EMCN: variants seen among roughly 807,000 people sequenced by gnomAD.
EMCN encodes the protein endomucin, also known as MUC-14.
A neutral mutation model predicts 38.4 loss-of-function variants in EMCN; 37 were observed. That is an observed-to-expected ratio of 0.96 (90% confidence interval 0.74 to 1.27). The LOEUF (loss-of-function observed/expected upper bound fraction) is 1.27. Among genes scored for constraint, EMCN ranks in the 50% most tolerant of loss-of-function variants. The pLI is 0.00. For missense variants in EMCN, 318 were observed against 302.8 expected, an observed-to-expected ratio of 1.05 and a Z score of -0.37; for synonymous variants, 95 against 100.8, an observed-to-expected ratio of 0.94 and a Z score of 0.35.
At chr4:100,453,766 C>A (rs1360389336) in intron 4 of EMCN, among the ~76,000 whole-genome samples, 1 of 151,998 alleles carries the variant, frequency 6.6e-6, no homozygotes, top group African/African-American at 2.4e-5. Flanking sequence ...AGACTTGGAA[C>A]CAACCTAAAT....
chr4:100,415,698 A>C (rs1343238988), intron 10 of EMCN, among the ~76,000 whole-genome samples, 200 bp downstream of exon 10: 1 of 152,190 alleles, frequency 6.6e-6, no homozygotes, highest in Non-Finnish European at 1.5e-5. Context: ...CAACCTCTAA[A>C]GGCCACATAG....
intron 5 of EMCN, among the ~76,000 whole-genome samples, chr4:100,438,549 TC>T (rs1323408881): frequency 6.6e-6 from 1 of 151,978 alleles, no homozygotes; most frequent in Non-Finnish European, 1.5e-5. Context: ...GATTTTTTTT[TC>T]TTTTTGATTT....
chr4:100,450,757 A>C (rs1226618313), intron 4 of EMCN, among the ~76,000 whole-genome samples: 1 of 151,946 alleles, frequency 6.6e-6, no homozygotes, highest in African/African-American at 2.4e-5. Context: ...GAAATGTTAT[A>C]ACTAAGTCTC....
chr4:100,496,490 T>C (rs902745338), intron 1 of EMCN, among the ~76,000 whole-genome samples: 4 of 152,214 alleles, frequency 2.6e-5, no homozygotes, highest in African/African-American at 9.6e-5. Flanking sequence ...TTTATTATTT[T>C]CTTACTCTTT....
chr4:100,515,619 T>G lies in EMCN; in HGVS notation c.64+2232A>C, dbSNP rs1321627562. On this transcript the variant is annotated intron_variant, in intron 1 of 11. Coordinates refer to ENST00000296420, the MANE Select transcript of EMCN (RefSeq NM_016242.4). ...GAATAAATTACTACGCAAAAGAGCA[T>G]GGATCTGCTTGACAGCTTGTGAATT... 2.0e-5 allele frequency among the ~76,000 whole-genome samples: 3 copies of G among 152,074 alleles called. No homozygotes were observed. In the East Asian group the frequency reaches 5.8e-4, roughly 29 times the overall value.
intron 11 of EMCN, among the ~76,000 whole-genome samples, chr4:100,407,744 A>G (rs926090484): frequency 3.3e-5 from 5 of 152,106 alleles, no homozygotes; most frequent in African/African-American, 1.2e-4. Flanking sequence ...GGGTTCTCTG[A>G]ATTTCCTGAA....
chr4:100,491,947 G>T (rs775485418), intron 1 of EMCN, among the ~76,000 whole-genome samples: 1 of 152,140 alleles, frequency 6.6e-6, no homozygotes, highest in African/African-American at 2.4e-5. Context: ...AAAAGTAGCT[G>T]TCTCCTCACA....
At chr4:100,431,840 C>T (rs1268786956) in intron 5 of EMCN, among the ~76,000 whole-genome samples, 3 of 151,850 alleles carry the variant, frequency 2.0e-5, no homozygotes, top group Admixed American at 2.0e-4. Context: ...GCTGTCAATG[C>T]ACAACCTATT....
intron 3 of EMCN, among the ~76,000 whole-genome samples, chr4:100,467,388 A>G (rs932465729): frequency 3.4e-4 from 52 of 152,278 alleles, no homozygotes; most frequent in African/African-American, 1.2e-3. Context: ...TTATTAAGAT[A>G]TGAGAATCGG....
chr4:100,495,937 A>T (rs931348365), intron 1 of EMCN, among the ~76,000 whole-genome samples: 1 of 152,112 alleles, frequency 6.6e-6, no homozygotes, highest in Non-Finnish European at 1.5e-5. Context: ...TGCTAAAAGT[A>T]GAAGAGTAAA....
chr4:100,410,392 G>T, intron 10 of EMCN, 37 bp from the exon 11 acceptor site: 1 of 1,594,434 alleles, frequency 6.3e-7, no homozygotes, highest in Non-Finnish European at 8.6e-7. Context: ...TGTAAGCTCA[G>T]AGACTGAGTA....
At chr4:100,508,373 C>CT (rs996988768) in intron 1 of EMCN, among the ~76,000 whole-genome samples, 8 of 151,834 alleles carry the variant, frequency 5.3e-5, no homozygotes, top group Admixed American at 2.0e-4. Context: ...CAAATATATT[C>CT]TTTTTTTTAG....
intron 1 of EMCN, among the ~76,000 whole-genome samples, 175 bp downstream of exon 1, chr4:100,517,676 T>C (rs544223424): frequency 6.6e-6 from 1 of 152,128 alleles, no homozygotes; most frequent in East Asian, 1.9e-4. Flanking sequence ...TAGAAACAAA[T>C]ACCGTCTCTC....
chr4:100,463,164 T>C (rs752945657), intron 4 of EMCN, among the ~76,000 whole-genome samples: 62 of 152,282 alleles, frequency 4.1e-4, no homozygotes, highest in Non-Finnish European at 6.9e-4. Flanking sequence ...TGGAAAGCTG[T>C]CAGAAATTAT....
chr4:100,459,052 A>G (rs1728096019), intron 4 of EMCN, among the ~76,000 whole-genome samples: 1 of 152,096 alleles, frequency 6.6e-6, no homozygotes, highest in Non-Finnish European at 1.5e-5. Context: ...TTTCCAGTGG[A>G]TGGCAAGTCT....
At chr4:100,491,099 A>G (rs1440814636) in intron 1 of EMCN, among the ~76,000 whole-genome samples, 1 of 152,042 alleles carries the variant, frequency 6.6e-6, no homozygotes, top group Non-Finnish European at 1.5e-5. Flanking sequence ...TTTTCTCCCT[A>G]TCTATAGGTT....
At chr4:100,412,619 C>A (rs924515296) in intron 10 of EMCN, among the ~76,000 whole-genome samples, 5 of 152,128 alleles carry the variant, frequency 3.3e-5, no homozygotes, top group African/African-American at 1.2e-4. Flanking sequence ...TTTAACCTGA[C>A]AAGATCGCTT....
chr4:100,401,710 A>T (rs1019737772), intron 11 of EMCN, among the ~76,000 whole-genome samples: 1 of 152,180 alleles, frequency 6.6e-6, no homozygotes, highest in African/African-American at 2.4e-5. Flanking sequence ...AGAAAAATGG[A>T]AATAGCTAAC....
At chr4:100,479,735 A>G (rs1300482545) in intron 2 of EMCN, among the ~76,000 whole-genome samples, 182 bp downstream of exon 2, 1 of 152,102 alleles carries the variant, frequency 6.6e-6, no homozygotes, top group African/African-American at 2.4e-5. Context: ...AAAGCGGCCC[A>G]CTGAGATCTC....
Sources: allele counts gnomAD v4.1 joint callset (sites outside exome capture counted in the v4.1 genomes callset), GRCh38; gene constraint gnomAD v4.1.1; transcripts MANE v1.5; gene names NCBI Gene and HGNC (gene_info 2026-07-23, HGNC 2026-07-21).